The following CISD2 variants were observed in gnomAD, a reference collection of about 807,000 sequenced individuals.
The protein encoded by CISD2 is CDGSH iron-sulfur domain-containing protein 2.
Under a neutral mutation model 12.9 loss-of-function variants are expected in CISD2, and 1 was observed. That is an observed-to-expected ratio of 0.08 (90% CI 0.03 to 0.37). CISD2 has a LOEUF of 0.37. Among genes scored for constraint, CISD2 ranks in the 10% least tolerant of loss-of-function variants. The pLI is 0.99. For missense variants in CISD2, 97 were observed against 163.1 expected (o/e 0.59, Z 2.21); for synonymous variants, 50 against 60.6 (o/e 0.83, Z 0.81).
chr4:102,869,216 T>C (rs1733346019), intron 1 of CISD2, 29 bp downstream of exon 1: 9 of 1,583,948 alleles, frequency 5.7e-6, no homozygotes, highest in Non-Finnish European at 7.7e-6. Flanking sequence ...CCAGTCCCCA[T>C]CCTTGCACGT....
chr4:102,884,178 C>A (rs930570634), intron 1 of CISD2, among the ~76,000 whole-genome samples: 1 of 152,154 alleles, frequency 6.6e-6, no homozygotes, highest in Admixed American at 6.5e-5. Flanking sequence ...CTGGACTAAA[C>A]CTGCTTAGGC....
At position 102,868,993 on chromosome 4, in the gene CISD2, G is replaced by A; in HGVS notation, c.-92G>A. ...CCCGCCGCCCAGGCCGAGGCCGCCA[G>A]TGCCCGCCGGCCGCTTCCGCTCCCG... On this transcript the variant is annotated 5_prime_UTR_variant, in exon 1 of 3. It adds an upstream start codon to the 5' untranslated region. Transcript: ENST00000273986. 7.0e-7 allele frequency: 1 copy of A among 1,424,040 alleles called. No individual in the cohort carries two copies. Among genetic ancestry groups the A allele is most frequent in the Non-Finnish European group, 9.2e-7 (1 of 1,087,050 alleles). The allele number at this position is 1,424,040 out of a possible 1,614,324, so 88.2% of individuals were successfully genotyped here.
Position 102,889,927 on chromosome 4 carries a change from T to C in CISD2, c.*2497T>C, listed in dbSNP as rs1734152506. The C allele has an allele frequency of 6.6e-6, 1 of 152,148 alleles. No individual in the cohort carries two copies. The highest frequency in any genetic ancestry group is 1.5e-5 in the Non-Finnish European group (1 of 68,026). 9.4% of individuals were successfully genotyped at this position (152,148 alleles called of 1,614,324 possible). ...AAAAGAAAAAAAAAAGTAACTTGGC[T>C]CTTGAAATACATGTCTTCGGTTTCT... On this transcript the variant is annotated 3_prime_UTR_variant, in exon 3 of 3. Transcript: ENST00000273986.
intron 1 of CISD2, among the ~76,000 whole-genome samples, chr4:102,877,815 C>T (rs1733625505): frequency 6.6e-6 from 1 of 152,214 alleles, no homozygotes; most frequent in African/African-American, 2.4e-5. Flanking sequence ...CACATGGAAG[C>T]CACCAAGGCT....
chr4:102,869,051 G>C lies in CISD2; in HGVS notation c.-34G>C. ...CGCGGCAGCTTGGCCAGAGCGGAGGGGGCTCGGGAGAGGAGTGGACGCCGC... is the reference window on the plus strand; with the variant it reads ...CGCGGCAGCTTGGCCAGAGCGGAGGCGGCTCGGGAGAGGAGTGGACGCCGC... On this transcript the variant is annotated 5_prime_UTR_variant, in exon 1 of 3. Transcript: ENST00000273986. The C allele has an allele frequency of 6.3e-7, 1 of 1,587,766 alleles. No homozygotes were observed.
At chr4:102,882,452 C>T (rs1269482988) in intron 1 of CISD2, among the ~76,000 whole-genome samples, 1 of 152,180 alleles carries the variant, frequency 6.6e-6, no homozygotes, top group East Asian at 1.9e-4. Context: ...TAGACAGTAG[C>T]TTTCGCTGGC....
rs909337975 is a variant in CISD2, at chr4:102,876,546, G to A, written c.103+7359G>A. On this transcript the variant is annotated intron_variant, in intron 1 of 2. Coordinates refer to ENST00000273986, the MANE Select transcript of CISD2 (RefSeq NM_001008388.5). ...GGGCAGATCATGAGGTCAGGAGATC[G>A]AGACCATCCTGGTCAACATGGTGAA... 2.6e-5 allele frequency among the ~76,000 whole-genome samples: 4 copies of A among 152,100 alleles called. No individual in the cohort carries two copies. The East Asian group carries it at 5.8e-4, about 22-fold the overall frequency.
At chr4:102,880,636 C>A (rs1733692868) in intron 1 of CISD2, among the ~76,000 whole-genome samples, 1 of 151,756 alleles carries the variant, frequency 6.6e-6, no homozygotes. Context: ...CAAGATCATG[C>A]CACTGCACAT....
At chr4:102,869,563 C>T (rs1733370442) in intron 1 of CISD2, 1 of 700,048 alleles carries the variant, frequency 1.4e-6, no homozygotes, top group African/African-American at 1.8e-5. Context: ...TATCTAAGGC[C>T]TCATGTAACA....
intron 1 of CISD2, chr4:102,884,900 A>G (rs1269525792): frequency 3.0e-6 from 1 of 327,934 alleles, no homozygotes; most frequent in Non-Finnish European, 5.9e-6. Context: ...GTTTATAGTT[A>G]TAGTGATCAT....
At chr4:102,878,673 A>G (rs973031140) in intron 1 of CISD2, among the ~76,000 whole-genome samples, 13 of 152,154 alleles carry the variant, frequency 8.5e-5, no homozygotes, top group African/African-American at 2.4e-4. Context: ...TATTGTCCAT[A>G]TCACTGTCAG....
In CISD2 at chr4:102,890,806, C is replaced by CAATAAGTAAGCTACTTA. The variant is rs1327456037; in HGVS notation, c.*3376_*3377insAATAAGTAAGCTACTTA. 1.2e-4 allele frequency: 16 copies of CAATAAGTAAGCTACTTA among 128,380 alleles called. No individual in the cohort carries two copies. The highest frequency in any genetic ancestry group is 3.9e-4 in the African/African-American group (12 of 30,700). 8.0% of individuals were successfully genotyped at this position (128,380 alleles called of 1,614,324 possible). A position where few individuals can be genotyped will look rare whatever the true frequency, so the allele number is the denominator to read the frequency against. ...AGTGAGCCAAGATTGTGCCACTGCA[C>CAATAAGTAAGCTACTTA]TCCAGCCTGGGCAACAGAAGTGAAA... On this transcript the variant is annotated 3_prime_UTR_variant, in exon 3 of 3. Transcript: ENST00000273986.
At chr4:102,873,723 C>T (rs567159092) in intron 1 of CISD2, among the ~76,000 whole-genome samples, 25 of 116,446 alleles carry the variant, frequency 2.1e-4, no homozygotes, top group African/African-American at 4.9e-4. Context: ...AGAGCGAAAC[C>T]GTCTCAAAAA....
chr4:102,879,775 AAC>A (rs1205960146), intron 1 of CISD2, among the ~76,000 whole-genome samples: 1 of 152,026 alleles, frequency 6.6e-6, no homozygotes, highest in Non-Finnish European at 1.5e-5. Context: ...CCATCTCAAA[AAC>A]AAACAAACAA....
chr4:102,884,508 G>A (rs186945038), intron 1 of CISD2, among the ~76,000 whole-genome samples: 7 of 152,278 alleles, frequency 4.6e-5, no homozygotes, highest in Admixed American at 4.6e-4. Flanking sequence ...ATGTTGAAAT[G>A]TTTATCTTGG....
At chr4:102,878,690 G>T (rs1289750103) in intron 1 of CISD2, among the ~76,000 whole-genome samples, 2 of 152,094 alleles carry the variant, frequency 1.3e-5, no homozygotes, top group Admixed American at 6.6e-5. Flanking sequence ...TCAGCATTTT[G>T]GTCAAAACCA....
chr4:102,889,469 T>A lies in CISD2; in HGVS notation c.*2039T>A, dbSNP rs1734119164. ...CTTGTTTTCACACATGTTCTAGTGG[T>A]TCCCATAACTTAGATTTTACAGGAG... On this transcript the variant is annotated 3_prime_UTR_variant, in exon 3 of 3. Coordinates refer to ENST00000273986, the MANE Select transcript of CISD2 (RefSeq NM_001008388.5). 2 of 152,262 alleles carry A rather than the reference T, an allele frequency of 1.3e-5. No individual in the cohort carries two copies. Among genetic ancestry groups the A allele is most frequent in the Admixed American group, 1.3e-4 (2 of 15,282 alleles). The allele number at this position is 152,262 out of a possible 1,614,324, so 9.4% of individuals were successfully genotyped here.
chr4:102,879,167 G>T (rs568262885), intron 1 of CISD2, among the ~76,000 whole-genome samples: 9 of 152,108 alleles, frequency 5.9e-5, no homozygotes, highest in Admixed American at 6.6e-5. Context: ...CTCCCTTGAC[G>T]TGGGGATTAT....
chr4:102,881,698 T>A (rs533173538), intron 1 of CISD2, among the ~76,000 whole-genome samples: 2 of 152,242 alleles, frequency 1.3e-5, no homozygotes, highest in Non-Finnish European at 2.9e-5. Flanking sequence ...AAGTAGATTA[T>A]GTTAAGACTT....
Sources: gnomAD v4.1 joint callset for allele counts (sites outside exome capture counted in the v4.1 genomes callset) on GRCh38, gnomAD v4.1.1 for gene constraint, MANE v1.5 for transcripts, NCBI Gene and HGNC (gene_info 2026-07-23, HGNC 2026-07-21) for gene names.